TNS3: variants seen among roughly 807,000 people sequenced by gnomAD.
TNS3 encodes the protein tensin-3.
A neutral mutation model predicts 140.9 loss-of-function variants in TNS3; 45 were observed. That is an observed-to-expected ratio of 0.32 (90% CI 0.25 to 0.41). The LOEUF is 0.41. TNS3 is among the 10% of genes least tolerant of loss of function. TNS3 has a pLI of 1.00. For synonymous variants in TNS3, 815 were observed against 788.4 expected (o/e 1.03, Z -0.56); for missense variants, 1,716 against 1,906.7 (o/e 0.90, Z 1.86).
Position 47,411,577 on chromosome 7 carries a change from G to A in TNS3, c.723+150C>T, listed in dbSNP as rs577272351. 10 of 797,146 alleles carry A rather than the reference G, an allele frequency of 1.3e-5. No homozygotes were observed. In the East Asian group the frequency reaches 2.2e-4, roughly 17 times the overall value. The allele number at this position is 797,146 out of a possible 1,614,324, so 49.4% of individuals were successfully genotyped here. A position where few individuals can be genotyped will look rare whatever the true frequency, so the allele number is the denominator to read the frequency against. On this transcript the variant is annotated intron_variant, in intron 13 of 30. Transcript: ENST00000311160. ...CACGGCCCAGGCGTGGGGGACCCCA[G>A]TGTTAAGGTAAAAGCTACTTTTCCT...
At chr7:47,377,750 C>CCTCCTTCTCCTCCTCCCTTTCCTA (rs1791491079) in intron 16 of TNS3, among the ~76,000 whole-genome samples, 1 of 145,298 alleles carries the variant, frequency 6.9e-6, no homozygotes, top group Non-Finnish European at 1.5e-5. Flanking sequence ...TCCCTTTCCT[C>CCTCCTTCTCCTCCTCCCTTTCCTA]TTCTTCTCCC....
chr7:47,310,306 T>C (rs368518716), intron 20 of TNS3, among the ~76,000 whole-genome samples: 46 of 152,188 alleles, frequency 3.0e-4, no homozygotes, highest in African/African-American at 9.9e-4. Flanking sequence ...AGTCTCTTAG[T>C]GGATGCTAAG....
Position 47,346,178 on chromosome 7 carries a change from G to A in TNS3, c.2451+9C>T. 6.2e-7 allele frequency: 1 copy of A among 1,612,574 alleles called. No individual in the cohort carries two copies. Among genetic ancestry groups the A allele is most frequent in the Middle Eastern group, 1.7e-4 (1 of 6,056 alleles). ...GGCCCAGAAACTGGGACCTGGCTGTGGCACATACCTCTTTGACGTCCGCTG... is the reference window on the plus strand; with the variant it reads ...GGCCCAGAAACTGGGACCTGGCTGTAGCACATACCTCTTTGACGTCCGCTG... On this transcript the variant is annotated intron_variant, in intron 18 of 30. Transcript: ENST00000311160.
At chr7:47,465,258 T>A (rs1796657279) in intron 4 of TNS3, among the ~76,000 whole-genome samples, 1 of 152,210 alleles carries the variant, frequency 6.6e-6, no homozygotes, top group Admixed American at 6.5e-5. Context: ...GCTGAGGGGC[T>A]ATCACCCAGA....
intron 30 of TNS3, 66 bp downstream of exon 30, chr7:47,280,098 A>C: frequency 5.5e-5 from 87 of 1,589,228 alleles, no homozygotes; most frequent in Non-Finnish European, 7.1e-5. Context: ...CAAATCTGGA[A>C]GAGAATTCAA....
At chr7:47,489,823 G>A (rs565966237) in intron 3 of TNS3, among the ~76,000 whole-genome samples, 10 of 152,256 alleles carry the variant, frequency 6.6e-5, no homozygotes, top group Non-Finnish European at 1.0e-4. Context: ...AGGATCGCTC[G>A]GGGGCCCAAA....
chr7:47,501,960 T>C (rs894748909), intron 3 of TNS3, among the ~76,000 whole-genome samples: 1 of 152,096 alleles, frequency 6.6e-6, no homozygotes, highest in African/African-American at 2.4e-5. Flanking sequence ...TTTAGAGAAG[T>C]TGGCCCTGGA....
intron 1 of TNS3, among the ~76,000 whole-genome samples, chr7:47,572,075 C>G (rs1431582727): frequency 6.6e-6 from 1 of 152,218 alleles, no homozygotes; most frequent in African/African-American, 2.4e-5. Context: ...GCTGCAGAGA[C>G]CTCCCCATGG....
At chr7:47,301,464 C>T (rs542046558) in intron 23 of TNS3, among the ~76,000 whole-genome samples, 2 of 152,082 alleles carry the variant, frequency 1.3e-5, no homozygotes, top group South Asian at 2.1e-4. Flanking sequence ...GAGGGAAGCA[C>T]CTTATGAATT....
intron 16 of TNS3, among the ~76,000 whole-genome samples, chr7:47,387,703 T>G (rs182559088): frequency 1.8e-4 from 27 of 152,314 alleles, no homozygotes; most frequent in African/African-American, 6.3e-4. Flanking sequence ...GAGACAGTCT[T>G]GCATGCATAA....
At position 47,458,526 on chromosome 7, in the gene TNS3, T is replaced by C. The variant is rs184909160; in HGVS notation, c.-75-16471A>G. On this transcript the variant is annotated intron_variant, in intron 4 of 30. Coordinates refer to ENST00000311160, the MANE Select transcript of TNS3 (RefSeq NM_022748.12). ...TACAAATTGGATCTGAAAATGATAA[T>C]AAAATAAAATGTAATATAAAACAAG... 2.0e-5 allele frequency among the ~76,000 whole-genome samples: 3 copies of C among 152,308 alleles called. No homozygotes were observed. The East Asian group carries it at 5.8e-4, about 29-fold the overall frequency.
chr7:47,547,245 G>C (rs879650706), intron 1 of TNS3, among the ~76,000 whole-genome samples: 41 of 152,178 alleles, frequency 2.7e-4, no homozygotes, highest in Non-Finnish European at 4.9e-4. Flanking sequence ...CAAAGGGTGG[G>C]AGTGGGGCGG....
chr7:47,343,068 G>T (rs1297865623), intron 20 of TNS3, among the ~76,000 whole-genome samples: 1 of 152,216 alleles, frequency 6.6e-6, no homozygotes, highest in Non-Finnish European at 1.5e-5. Context: ...GCAAAGCCCT[G>T]ACTTCTTCTG....
At chr7:47,423,618 A>C (rs1794494249) in intron 10 of TNS3, among the ~76,000 whole-genome samples, 1 of 152,234 alleles carries the variant, frequency 6.6e-6, no homozygotes, top group Non-Finnish European at 1.5e-5. Flanking sequence ...GTGTAAGTAA[A>C]GTTTTATTGC....
At chr7:47,316,092 ATTTCTCTCTCTCTCTCTC>A (rs1787381652) in intron 20 of TNS3, among the ~76,000 whole-genome samples, 1 of 61,144 alleles carries the variant, frequency 1.6e-5, no homozygotes, top group African/African-American at 6.2e-5. Context: ...CTAACTAACT[ATTTCTCTCTCTCTCTCTC>A]TCTCTCTCTC....
intron 2 of TNS3, among the ~76,000 whole-genome samples, chr7:47,519,572 A>G (rs921642563): frequency 5.3e-5 from 8 of 152,166 alleles, no homozygotes; most frequent in Non-Finnish European, 1.2e-4. Flanking sequence ...GTGACTGTCC[A>G]GGACTTCTTT....
chr7:47,391,157 A>G lies in TNS3; in HGVS notation c.1024+5643T>C, dbSNP rs140180342. On this transcript the variant is annotated intron_variant, in intron 16 of 30. Coordinates refer to ENST00000311160, the MANE Select transcript of TNS3 (RefSeq NM_022748.12). Reference sequence around the variant, plus strand: ...CTATGCCCCATGCCCAGGGCTAGGCATACCCTGTCTGCCTTCCCTACCTGC... The same window carrying G: ...CTATGCCCCATGCCCAGGGCTAGGCGTACCCTGTCTGCCTTCCCTACCTGC... 2.3e-3 allele frequency among the ~76,000 whole-genome samples: 347 copies of G among 152,342 alleles called. 2 individuals carry two copies. Among genetic ancestry groups the G allele is most frequent in the African/African-American group, 8.0e-3 (331 of 41,588 alleles).
chr7:47,508,167 A>G (rs1221645988), intron 2 of TNS3, among the ~76,000 whole-genome samples: 1 of 152,184 alleles, frequency 6.6e-6, no homozygotes, highest in Non-Finnish European at 1.5e-5. Flanking sequence ...GTCAAAGTCA[A>G]AAAGGTTTGT....
At chr7:47,479,926 A>T (rs745954975) in intron 4 of TNS3, among the ~76,000 whole-genome samples, 3 of 152,164 alleles carry the variant, frequency 2.0e-5, no homozygotes, top group Non-Finnish European at 2.9e-5. Context: ...CACTCAAGTG[A>T]TGAGGTTAGA....
Sources: allele counts gnomAD v4.1 joint callset (sites outside exome capture counted in the v4.1 genomes callset), GRCh38; gene constraint gnomAD v4.1.1; transcripts MANE v1.5; gene names NCBI Gene and HGNC (gene_info 2026-07-23, HGNC 2026-07-21).